DTNA: variants seen among roughly 807,000 people sequenced by gnomAD.
DTNA encodes dystrophin-related protein 3.
A neutral mutation model predicts 100.7 loss-of-function variants in DTNA; 43 were observed. The observed-to-expected ratio is 0.43, with a 90% CI of 0.33 to 0.55. DTNA has a LOEUF of 0.55. Among genes scored for constraint, DTNA ranks in the 20% least tolerant of loss-of-function variants. The pLI is 0.04. For synonymous variants in DTNA, 349 were observed against 347.9 expected, an observed-to-expected ratio of 1.00 and a Z score of -0.04; for missense variants, 798 against 953.9, an observed-to-expected ratio of 0.84 and a Z score of 2.15.
chr18:34,828,107 C>T (rs1269777162), intron 10 of DTNA, among the ~76,000 whole-genome samples: 1 of 152,126 alleles, frequency 6.6e-6, no homozygotes, highest in African/African-American at 2.4e-5. Context: ...TTGGTGAACC[C>T]TGGAGTTCCT....
chr18:34,542,471 T>G (rs1360939547), intron 1 of DTNA, among the ~76,000 whole-genome samples: 1 of 152,050 alleles, frequency 6.6e-6, no homozygotes, highest in Non-Finnish European at 1.5e-5. Flanking sequence ...CTTCTTTGGT[T>G]TTATGTCTAC....
At chr18:34,522,500 G>A (rs2042237025) in intron 1 of DTNA, among the ~76,000 whole-genome samples, 1 of 152,160 alleles carries the variant, frequency 6.6e-6, no homozygotes, top group African/African-American at 2.4e-5. Flanking sequence ...ACTAATAATA[G>A]ATAAATGGAT....
At chr18:34,644,053 A>T (rs2059576849) in intron 1 of DTNA, among the ~76,000 whole-genome samples, 1 of 152,202 alleles carries the variant, frequency 6.6e-6, no homozygotes, top group Non-Finnish European at 1.5e-5. Context: ...GGATAATAGA[A>T]AATGGGAATA....
At chr18:34,853,620 C>G (rs1437995076) in intron 15 of DTNA, among the ~76,000 whole-genome samples, 1 of 151,856 alleles carries the variant, frequency 6.6e-6, no homozygotes, top group African/African-American at 2.4e-5. Flanking sequence ...CTACTCTGAC[C>G]CCCAGGGAGA....
At chr18:34,802,131 C>G (rs1458827041) in intron 4 of DTNA, among the ~76,000 whole-genome samples, 1 of 152,216 alleles carries the variant, frequency 6.6e-6, no homozygotes, top group Non-Finnish European at 1.5e-5. Context: ...GAGAAGTATA[C>G]AGACTTTTTC....
At chr18:34,749,430 A>G (rs2092056755) in intron 1 of DTNA, among the ~76,000 whole-genome samples, 1 of 152,092 alleles carries the variant, frequency 6.6e-6, no homozygotes, top group Non-Finnish European at 1.5e-5. Flanking sequence ...ACTTTCCCCC[A>G]TTCAAGAAAC....
intron 1 of DTNA, among the ~76,000 whole-genome samples, chr18:34,643,716 C>A (rs1046602325): frequency 6.6e-6 from 1 of 152,106 alleles, no homozygotes; most frequent in African/African-American, 2.4e-5. Flanking sequence ...TAGAAACTGC[C>A]TTTTTTAAAA....
intron 1 of DTNA, among the ~76,000 whole-genome samples, chr18:34,626,896 G>T (rs943026446): frequency 3.3e-5 from 5 of 152,178 alleles, no homozygotes; most frequent in African/African-American, 1.2e-4. Flanking sequence ...TAGCTGATAA[G>T]CTCACTGACC....
At chr18:34,752,531 C>G (rs1049969092) in intron 1 of DTNA, among the ~76,000 whole-genome samples, 4 of 152,168 alleles carry the variant, frequency 2.6e-5, no homozygotes, top group Non-Finnish European at 4.4e-5. Flanking sequence ...TGTAATCTAG[C>G]AGGCCTCCCA....
At chr18:34,706,762 TA>T (rs2082171803), upstream of DTNA, among the ~76,000 whole-genome samples, 1 of 152,212 alleles carries the variant, frequency 6.6e-6, no homozygotes, top group Non-Finnish European at 1.5e-5. Flanking sequence ...ATCTTGATAT[TA>T]AATTGTATAA....
At chr18:34,638,363 A>T (rs1216752550) in intron 1 of DTNA, among the ~76,000 whole-genome samples, 1 of 152,196 alleles carries the variant, frequency 6.6e-6, no homozygotes, top group Non-Finnish European at 1.5e-5. Context: ...AAGTGCTATA[A>T]TTATTTCCGT....
rs187877718 is a variant in DTNA, at chr18:34,890,038, A to G, written c.*2304A>G. ...TCATAGCCAGGTAGTTCTTGAACTCAGAACTTAAATCCTGCACGTGGCACT... is the reference window on the plus strand; with the variant it reads ...TCATAGCCAGGTAGTTCTTGAACTCGGAACTTAAATCCTGCACGTGGCACT... On this transcript the variant is annotated 3_prime_UTR_variant, in exon 23 of 23. Transcript: ENST00000444659. 5.0e-5 allele frequency: 64 copies of G among 1,292,618 alleles called. No homozygotes were observed. Among genetic ancestry groups the G allele is most frequent in the Non-Finnish European group, 6.0e-5 (61 of 1,019,252 alleles). 80.1% of individuals were successfully genotyped at this position (1,292,618 alleles called of 1,614,324 possible).
At position 34,888,509 on chromosome 18, in the gene DTNA, C is replaced by T. The variant is rs1603369961; in HGVS notation, c.*775C>T. 5.1e-6 allele frequency: 5 copies of T among 985,730 alleles called. No individual in the cohort carries two copies. Among genetic ancestry groups the T allele is most frequent in the Non-Finnish European group, 6.0e-6 (5 of 829,896 alleles). 61.1% of individuals were successfully genotyped at this position (985,730 alleles called of 1,614,324 possible). On this transcript the variant is annotated 3_prime_UTR_variant, in exon 23 of 23. Transcript: ENST00000444659. ...TTTCTTTCAAGATACTCTAATCAGCCATAGAATTTAGTGTAAATATTTTTT... is the reference window on the plus strand; with the variant it reads ...TTTCTTTCAAGATACTCTAATCAGCTATAGAATTTAGTGTAAATATTTTTT...
At chr18:34,797,989 G>A (rs961240317) in intron 4 of DTNA, among the ~76,000 whole-genome samples, 12 of 126,742 alleles carry the variant, frequency 9.5e-5, no homozygotes, top group Non-Finnish European at 1.5e-4. Flanking sequence ...AGCTCTTGTC[G>A]TACTAATTTC....
rs573942902 is a variant in DTNA, at chr18:34,652,130, A to G, written c.-1-103846A>G. On this transcript the variant is annotated intron_variant, in intron 1 of 19. Coordinates refer to the DTNA transcript ENST00000283365. ...AGGAAGGAAGGAGAGAAGAAAAGAA[A>G]AAAGAAACCACAAAACAGCAACAAC... Among the ~76,000 whole-genome samples the G allele has an allele frequency of 2.6e-5, 4 of 151,878 alleles. No homozygotes were observed. In the South Asian group the frequency reaches 8.3e-4, roughly 32 times the overall value.
chr18:34,807,923 G>A (rs2095405938), intron 5 of DTNA, among the ~76,000 whole-genome samples: 1 of 149,942 alleles, frequency 6.7e-6, no homozygotes, highest in African/African-American at 2.5e-5. Flanking sequence ...TTCCTTCAGG[G>A]TTAAGCCAGA....
chr18:34,552,810 C>T (rs1425072855), intron 1 of DTNA, among the ~76,000 whole-genome samples: 3 of 148,004 alleles, frequency 2.0e-5, no homozygotes, highest in East Asian at 2.0e-4. Flanking sequence ...CAAGTCTTTG[C>T]TATGGTGAAT....
At chr18:34,581,354 T>C (rs1167807814) in intron 1 of DTNA, among the ~76,000 whole-genome samples, 1 of 152,232 alleles carries the variant, frequency 6.6e-6, no homozygotes, top group Non-Finnish European at 1.5e-5. Context: ...GTGCTCCACC[T>C]GTTGCTGTGT....
At position 34,755,624 on chromosome 18, in the gene DTNA, G is replaced by T. The variant is rs143357877; in HGVS notation, c.-1-352G>T. ...TGGGATCCACAATATCTGTTCTCCAGTCATAGGTATTCTTAAAATTGAAAG... is the reference window on the plus strand; with the variant it reads ...TGGGATCCACAATATCTGTTCTCCATTCATAGGTATTCTTAAAATTGAAAG... On this transcript the variant is annotated intron_variant, in intron 1 of 22. Coordinates refer to ENST00000444659, the MANE Select transcript of DTNA (RefSeq NM_001386795.1). The T allele has an allele frequency of 1.6e-3, 493 of 313,502 alleles. 1 individual carries two copies. The highest frequency in any genetic ancestry group is 0.01 in the African/African-American group (475 of 45,854). The allele number at this position is 313,502 out of a possible 1,614,324, so 19.4% of individuals were successfully genotyped here.
Sources: gnomAD v4.1 joint callset for allele counts (sites outside exome capture counted in the v4.1 genomes callset) on GRCh38, gnomAD v4.1.1 for gene constraint, MANE v1.5 for transcripts, NCBI Gene and HGNC (gene_info 2026-07-23, HGNC 2026-07-21) for gene names.